KCNA2: variants seen among roughly 807,000 people sequenced by gnomAD.
KCNA2 encodes potassium channel, voltage gated shaker related subfamily A, member 2.
In KCNA2, 11 loss-of-function variants were observed where a neutral mutation model predicts 33.4. That is an observed-to-expected ratio of 0.33 (90% confidence interval 0.21 to 0.55). The LOEUF (loss-of-function observed/expected upper bound fraction) is 0.55, where lower values mean the gene tolerates loss of function less well. KCNA2 is among the 20% of genes least tolerant of loss of function. The probability of loss-of-function intolerance (pLI) is 0.93; values close to 1 mark genes in which losing one functional copy is unlikely to be tolerated. For synonymous variants in KCNA2, 222 were observed against 231.3 expected (o/e 0.96, Z 0.37); for missense variants, 291 against 621.6 (o/e 0.47, Z 5.66).
chr1:110,600,223 G>A lies in KCNA2; in HGVS notation c.*3060C>T, dbSNP rs925682020. On this transcript the variant is annotated 3_prime_UTR_variant, in exon 3 of 3. Coordinates refer to ENST00000316361, the MANE Select transcript of KCNA2 (RefSeq NM_004974.4). The stretch of plus-strand genomic sequence containing the variant: ...TTCATGTGTATTGTGCGATATTTTT[G>A]GGCATGTGTGCTATGTATCTTGTAT... 1.6e-5 allele frequency: 16 copies of A among 981,594 alleles called. No homozygotes were observed. Among genetic ancestry groups the A allele is most frequent in the South Asian group, 4.8e-5 (1 of 20,928 alleles). The allele number at this position is 981,594 out of a possible 1,614,324, so 60.8% of individuals were successfully genotyped here.
rs959151794 is a variant in KCNA2, at chr1:110,617,815, T to C, written c.-495-12093A>G. On this transcript the variant is annotated intron_variant, in intron 1 of 4. Coordinates refer to the KCNA2 transcript ENST00000369770. ...GCACCTGTGTGTGTGCACTCATGCA[T>C]GTGTCGAGGGATGGAGCTCACATGG... 2.6e-5 allele frequency among the ~76,000 whole-genome samples: 4 copies of C among 152,292 alleles called. No homozygotes were observed. The East Asian group carries it at 7.7e-4, about 29-fold the overall frequency.
At chr1:110,615,834 C>G (rs1650031474) in intron 1 of KCNA2, among the ~76,000 whole-genome samples, 1 of 152,150 alleles carries the variant, frequency 6.6e-6, no homozygotes, top group Non-Finnish European at 1.5e-5. Context: ...GTCGGGGCGC[C>G]TGGGGAGGAG....
rs1177637885 is a variant in KCNA2 at position 110,603,228 on chromosome 1, T to G, written c.*55A>C. On this transcript the variant is annotated 3_prime_UTR_variant, in exon 3 of 3. Coordinates refer to ENST00000316361, the MANE Select transcript of KCNA2 (RefSeq NM_004974.4). The surrounding 1 kb of genome is among the most constrained non-coding windows in gnomAD (Gnocchi z 5.7). ...AACACACTGACTACAATGCAGGCTA[T>G]TATGCAACATCTGCATTAGTTCCAT... is the stretch of plus-strand genomic sequence containing the variant. 1.3e-6 allele frequency: 2 copies of G among 1,550,372 alleles called. No individual in the cohort carries two copies. Among genetic ancestry groups the G allele is most frequent in the East Asian group, 4.5e-5 (2 of 44,488 alleles).
chr1:110,609,964 G>C (rs1217586615), upstream of KCNA2, among the ~76,000 whole-genome samples: 3 of 152,218 alleles, frequency 2.0e-5, no homozygotes, highest in Non-Finnish European at 4.4e-5. Context: ...AGGGTAGTAA[G>C]GACAAAATTA....
At chr1:110,626,724 T>A (rs897943273) in intron 1 of KCNA2, among the ~76,000 whole-genome samples, 2 of 151,906 alleles carry the variant, frequency 1.3e-5, no homozygotes, top group African/African-American at 4.8e-5. Flanking sequence ...TCCTCAAGAG[T>A]CTTAATTTCC....
Position 110,604,155 on chromosome 1 carries a change from T to A in KCNA2, c.628A>T (p.Ile210Phe), listed in dbSNP as rs1649485938. 6.2e-7 allele frequency: 1 copy of A among 1,614,196 alleles called. No homozygotes were observed. Among genetic ancestry groups the A allele is most frequent in the Non-Finnish European group, 8.5e-7 (1 of 1,180,018 alleles). Reference protein sequence around the residue: ...VTFHTYSNSTIGYQQSTSFTD... With the variant: ...VTFHTYSNSTFGYQQSTSFTD... The stretch of plus-strand genomic sequence containing the variant: ...AAGGAAGTGGACTGCTGGTACCCGA[T>A]GGTGCTGTTGGAATAGGTGTGGAAG... Residue 210 changes from isoleucine to phenylalanine, a missense_variant, in exon 3 of 3, where the codon ATC becomes TTC. By Grantham distance (21) the Ile-to-Phe change is conservative. Coordinates refer to ENST00000316361, the MANE Select transcript of KCNA2 (RefSeq NM_004974.4). This position sits in a 1 kb window ranked among gnomAD's most constrained non-coding sequence, Gnocchi z 7.6.
intron 1 of KCNA2, among the ~76,000 whole-genome samples, chr1:110,629,045 C>A (rs1298021681): frequency 6.6e-6 from 1 of 152,138 alleles, no homozygotes; most frequent in African/African-American, 2.4e-5. Context: ...TCATTCATGT[C>A]CCAGGCTAGA....
rs1649368005 is a variant in KCNA2 at position 110,601,855 on chromosome 1, T to A, written c.*1428A>T. 7.0e-7 allele frequency: 1 copy of A among 1,427,736 alleles called. No homozygotes were observed. The highest frequency in any genetic ancestry group is 2.9e-5 in the Admixed American group (1 of 34,972). 88.4% of individuals were successfully genotyped at this position (1,427,736 alleles called of 1,614,324 possible). On this transcript the variant is annotated 3_prime_UTR_variant, in exon 3 of 3. Transcript: ENST00000316361. ...ATACATATACACACATATGTATGTATATATATACACCCTAGTGCACATAGT... is the reference window on the plus strand; with the variant it reads ...ATACATATACACACATATGTATGTAAATATATACACCCTAGTGCACATAGT...
Position 110,602,800 on chromosome 1 carries a change from G to C in KCNA2, c.*483C>G, listed in dbSNP as rs765128932. ...GAAAGTAATTCCAACACACAGGACT[G>C]TGTGTTCTTTTCAATGCAAAAATGA... is the stretch of plus-strand genomic sequence containing the variant. On this transcript the variant is annotated 3_prime_UTR_variant, in exon 3 of 3. Transcript: ENST00000316361. 2 of 997,174 alleles carry C rather than the reference G, an allele frequency of 2.0e-6. No homozygotes were observed. Among genetic ancestry groups the C allele is most frequent in the Non-Finnish European group, 2.4e-6 (2 of 837,638 alleles). 61.8% of individuals were successfully genotyped at this position (997,174 alleles called of 1,614,324 possible).
chr1:110,595,271 C>A lies in KCNA2; in HGVS notation c.*8012G>T. 1 of 985,448 alleles carries A rather than the reference C, an allele frequency of 1.0e-6. No individual in the cohort carries two copies. The highest frequency in any genetic ancestry group is 1.2e-6 in the Non-Finnish European group (1 of 829,944). 61.0% of individuals were successfully genotyped at this position (985,448 alleles called of 1,614,324 possible). A position where few individuals can be genotyped will look rare whatever the true frequency, so the allele number is the denominator to read the frequency against. Reference sequence around the variant, plus strand: ...GCAAACTCATCTGGAACATATTAGACTATTTTAGGAGTGCAGAGGAGCACA... The same window carrying A: ...GCAAACTCATCTGGAACATATTAGAATATTTTAGGAGTGCAGAGGAGCACA... On this transcript the variant is annotated 3_prime_UTR_variant, in exon 3 of 3. Coordinates refer to ENST00000316361, the MANE Select transcript of KCNA2 (RefSeq NM_004974.4).
At chr1:110,628,149 G>T (rs1570770782) in intron 1 of KCNA2, among the ~76,000 whole-genome samples, 1 of 152,144 alleles carries the variant, frequency 6.6e-6, no homozygotes, top group African/African-American at 2.4e-5. Context: ...GTGCCCTGAT[G>T]GGGGAAAAGA....
At chr1:110,621,086 CT>C (rs1234690746) in intron 1 of KCNA2, among the ~76,000 whole-genome samples, 1 of 152,210 alleles carries the variant, frequency 6.6e-6, no homozygotes, top group Non-Finnish European at 1.5e-5. Flanking sequence ...CCATATGACC[CT>C]CTTGGACAAC....
chr1:110,623,171 A>G (rs1041493993), intron 1 of KCNA2, among the ~76,000 whole-genome samples: 6 of 152,260 alleles, frequency 3.9e-5, no homozygotes, highest in Non-Finnish European at 7.3e-5. Context: ...TCACACGTAT[A>G]TGGACAATTG....
Position 110,598,110 on chromosome 1 carries a change from T to C in KCNA2, c.*5173A>G. The C allele has an allele frequency of 2.1e-6, 2 of 975,242 alleles. No individual in the cohort carries two copies. Among genetic ancestry groups the C allele is most frequent in the Non-Finnish European group, 2.4e-6 (2 of 820,738 alleles). 60.4% of individuals were successfully genotyped at this position (975,242 alleles called of 1,614,324 possible). A position where few individuals can be genotyped will look rare whatever the true frequency, so the allele number is the denominator to read the frequency against. Reference sequence around the variant, plus strand: ...ACTGATGATGTTAATGAGGTTAAGGTCATGAGTTCAAACCCGGCAATGGAT... The same window carrying C: ...ACTGATGATGTTAATGAGGTTAAGGCCATGAGTTCAAACCCGGCAATGGAT... On this transcript the variant is annotated 3_prime_UTR_variant, in exon 3 of 3. Coordinates refer to ENST00000316361, the MANE Select transcript of KCNA2 (RefSeq NM_004974.4).
Position 110,603,134 on chromosome 1 carries a change from A to G in KCNA2, c.*149T>C. On this transcript the variant is annotated 3_prime_UTR_variant, in exon 3 of 3. Coordinates refer to ENST00000316361, the MANE Select transcript of KCNA2 (RefSeq NM_004974.4). The surrounding 1 kb of genome is among the most constrained non-coding windows in gnomAD (Gnocchi z 5.7). ...TGATAGATATTCTGTGTTCTAAATC[A>G]AAAGTCAAAAGATCAAAAGTCACTT... The G allele has an allele frequency of 8.3e-6, 12 of 1,444,882 alleles. No homozygotes were observed. Among genetic ancestry groups the G allele is most frequent in the Non-Finnish European group, 1.0e-5 (11 of 1,103,872 alleles). The allele number at this position is 1,444,882 out of a possible 1,614,324, so 89.5% of individuals were successfully genotyped here.
rs1020047243 is a variant in KCNA2, at chr1:110,600,762, T to C, written c.*2521A>G. ...CTTGGAAATTCAGCACCACCTCCCA[T>C]GAAGGAGAGGAAGAGAAGCACAGAG... is the stretch of plus-strand genomic sequence containing the variant. On this transcript the variant is annotated 3_prime_UTR_variant, in exon 3 of 3. Coordinates refer to ENST00000316361, the MANE Select transcript of KCNA2 (RefSeq NM_004974.4). The C allele has an allele frequency of 5.1e-6, 5 of 985,174 alleles. No homozygotes were observed. The highest frequency in any genetic ancestry group is 1.1e-4 in the East Asian group (1 of 8,822). The allele number at this position is 985,174 out of a possible 1,614,324, so 61.0% of individuals were successfully genotyped here.
At position 110,596,635 on chromosome 1, in the gene KCNA2, C is replaced by A; in HGVS notation, c.*6648G>T. On this transcript the variant is annotated 3_prime_UTR_variant, in exon 3 of 3. Coordinates refer to ENST00000316361, the MANE Select transcript of KCNA2 (RefSeq NM_004974.4). ...GTTGACCCTGAGCAAGGCAAGGTCC[C>A]TGTTATCTTCAAACACTCTACTTAA... 1.5e-6 allele frequency: 1 copy of A among 654,152 alleles called. No homozygotes were observed. The highest frequency in any genetic ancestry group is 1.9e-6 in the Non-Finnish European group (1 of 527,638). 40.5% of individuals were successfully genotyped at this position (654,152 alleles called of 1,614,324 possible).
Position 110,596,324 on chromosome 1 carries a change from A to G in KCNA2, c.*6959T>C. Reference sequence around the variant, plus strand: ...TCTATAATTTAAAAATAGTATACATATATACATATACTATATATATATATA... The same window carrying G: ...TCTATAATTTAAAAATAGTATACATGTATACATATACTATATATATATATA... On this transcript the variant is annotated 3_prime_UTR_variant, in exon 3 of 3. Coordinates refer to ENST00000316361, the MANE Select transcript of KCNA2 (RefSeq NM_004974.4). 1 of 478,368 alleles carries G rather than the reference A, an allele frequency of 2.1e-6. No homozygotes were observed. Among genetic ancestry groups the G allele is most frequent in the Non-Finnish European group, 2.7e-6 (1 of 369,368 alleles). The allele number at this position is 478,368 out of a possible 1,614,324, so 29.6% of individuals were successfully genotyped here. A position where few individuals can be genotyped will look rare whatever the true frequency, so the allele number is the denominator to read the frequency against.
rs1295164222 is a variant in KCNA2, at chr1:110,599,375, C to T, written c.*3908G>A. On this transcript the variant is annotated 3_prime_UTR_variant, in exon 3 of 3. Coordinates refer to ENST00000316361, the MANE Select transcript of KCNA2 (RefSeq NM_004974.4). ...TCTAAAAAGTGTTAGCTTGCTTAGC[C>T]TTAGATGTATGTTCTTAATCACTTT... The T allele has an allele frequency of 3.0e-6, 3 of 985,274 alleles. No homozygotes were observed. The highest frequency in any genetic ancestry group is 3.5e-5 in the African/African-American group (2 of 57,226). 61.0% of individuals were successfully genotyped at this position (985,274 alleles called of 1,614,324 possible). A position where few individuals can be genotyped will look rare whatever the true frequency, so the allele number is the denominator to read the frequency against.
Sources: gnomAD v4.1 joint callset for allele counts (sites outside exome capture counted in the v4.1 genomes callset) on GRCh38, gnomAD v4.1.1 for gene constraint, Gnocchi (gnomAD v3.1) non-coding constraint, MANE v1.5 for transcripts, NCBI Gene and HGNC (gene_info 2026-07-23, HGNC 2026-07-21) for gene names.